Variants in POU6F2 observed in about 807,000 individuals in gnomAD.
The protein encoded by POU6F2 is POU domain, class 6, transcription factor 2.
POU6F2 carries 31 observed loss-of-function variants against 71.3 expected under a neutral mutation model. That is an observed-to-expected ratio of 0.43 (90% CI 0.33 to 0.59). The LOEUF (loss-of-function observed/expected upper bound fraction) is 0.59. Among genes scored for constraint, POU6F2 ranks in the 20% least tolerant of loss-of-function variants. The pLI is 0.04. For missense variants in POU6F2, 783 were observed against 856.8 expected (o/e 0.91, Z 1.07); for synonymous variants, 347 against 355.7 (o/e 0.98, Z 0.27).
intron 2 of POU6F2, among the ~76,000 whole-genome samples, chr7:39,202,223 A>G (rs1167814092): frequency 1.3e-5 from 2 of 152,218 alleles, no homozygotes; most frequent in Non-Finnish European, 2.9e-5. Flanking sequence ...TGTGAGACCA[A>G]TCCTAAACAT....
intron 4 of POU6F2, among the ~76,000 whole-genome samples, chr7:39,299,344 T>G (rs1275559900): frequency 6.6e-6 from 1 of 152,234 alleles, no homozygotes; most frequent in African/African-American, 2.4e-5. Flanking sequence ...TTGACCCTTT[T>G]GGCTACTGCT....
chr7:39,468,454 T>A lies in POU6F2; in HGVS notation c.*3768T>A, dbSNP rs1449949161. On this transcript the variant is annotated 3_prime_UTR_variant, in exon 10 of 10. Coordinates refer to ENST00000518318, the MANE Select transcript of POU6F2 (RefSeq NM_001370959.1). ...CAAAGCTGATTTTATCTGCACAGGT[T>A]GCTTAATATTTAAAAAAAAAAAAAA... The A allele has an allele frequency of 6.8e-6, 1 of 148,018 alleles. No homozygotes were observed. Among genetic ancestry groups the A allele is most frequent in the Non-Finnish European group, 1.5e-5 (1 of 65,854 alleles). The allele number at this position is 148,018 out of a possible 1,614,324, so 9.2% of individuals were successfully genotyped here. A position where few individuals can be genotyped will look rare whatever the true frequency, so the allele number is the denominator to read the frequency against.
chr7:39,418,939 GTATATATGTATATATGTATA>G (rs1787752651), intron 6 of POU6F2, among the ~76,000 whole-genome samples: 5 of 136,682 alleles, frequency 3.7e-5, no homozygotes, highest in Non-Finnish European at 7.7e-5. Flanking sequence ...GTATATATGT[GTATATATGTATATATGTATA>G]TATATGTGTA....
rs373309283 is a variant in POU6F2 at position 39,433,145 on chromosome 7, C to A, written c.1182C>A (p.Gly394=). The part of the protein sequence containing the change: ...PSSQAASGTQ[G]LQVQPITPQL... ...GCCAAGCAGCAAGCGGCACTCAGGG[C>A]TTGCAAGTGCAGCCAATCACCCCCC... The change falls in exon 7 of 10, where the codon GGC becomes GGA. Residue 394 remains glycine (G), a synonymous_variant. Coordinates refer to ENST00000518318, the MANE Select transcript of POU6F2 (RefSeq NM_001370959.1). 3.7e-6 allele frequency: 6 copies of A among 1,613,564 alleles called. No individual in the cohort carries two copies. Among genetic ancestry groups the A allele is most frequent in the South Asian group, 2.2e-5 (2 of 91,074 alleles).
chr7:39,030,993 C>T (rs924853562), intron 1 of POU6F2, among the ~76,000 whole-genome samples: 2 of 151,600 alleles, frequency 1.3e-5, no homozygotes, highest in African/African-American at 2.4e-5. Context: ...CTCCTCCTCC[C>T]GGGTTCAAGC....
At chr7:39,371,400 C>T (rs866666782) in intron 5 of POU6F2, among the ~76,000 whole-genome samples, 2 of 152,090 alleles carry the variant, frequency 1.3e-5, no homozygotes, top group African/African-American at 2.4e-5. Context: ...AGGCTGGTCT[C>T]GAACTCTTGA....
At chr7:39,445,578 A>G (rs1478641875) in intron 7 of POU6F2, among the ~76,000 whole-genome samples, 1 of 152,160 alleles carries the variant, frequency 6.6e-6, no homozygotes, top group Non-Finnish European at 1.5e-5. Context: ...CCTCCTCTGT[A>G]AAGCCTCTCT....
At chr7:39,115,987 T>C (rs970154939) in intron 2 of POU6F2, among the ~76,000 whole-genome samples, 1 of 152,176 alleles carries the variant, frequency 6.6e-6, no homozygotes, top group Admixed American at 6.5e-5. Flanking sequence ...AAGTAACTCA[T>C]TCACTGTCCT....
intron 5 of POU6F2, among the ~76,000 whole-genome samples, chr7:39,396,056 T>C (rs1229447230): frequency 1.3e-5 from 2 of 152,124 alleles, no homozygotes; most frequent in African/African-American, 4.8e-5. Flanking sequence ...GAAAATAGCA[T>C]GAAACTCAAT....
intron 8 of POU6F2, among the ~76,000 whole-genome samples, chr7:39,458,073 T>C (rs568242832): frequency 6.7e-6 from 1 of 149,474 alleles, no homozygotes; most frequent in East Asian, 2.0e-4. Flanking sequence ...CCTGTTGATG[T>C]ACTATGGCCC....
chr7:39,412,854 G>A (rs1787582082), intron 6 of POU6F2, among the ~76,000 whole-genome samples: 1 of 123,462 alleles, frequency 8.1e-6, no homozygotes, highest in Admixed American at 1.0e-4. Flanking sequence ...AGGCTGGAGT[G>A]CAGTGGTGTG....
chr7:39,264,598 T>G (rs2128755307), intron 4 of POU6F2, among the ~76,000 whole-genome samples: 1 of 152,290 alleles, frequency 6.6e-6, no homozygotes, highest in African/African-American at 2.4e-5. Context: ...CATCAGTTAT[T>G]TACCCGTCTG....
At chr7:39,063,226 C>CT (rs1790693155) in intron 1 of POU6F2, among the ~76,000 whole-genome samples, 1 of 151,772 alleles carries the variant, frequency 6.6e-6, no homozygotes, top group Non-Finnish European at 1.5e-5. Context: ...TATTTAAGAA[C>CT]TTAACGGATG....
intron 2 of POU6F2, among the ~76,000 whole-genome samples, chr7:39,197,924 G>A (rs1793819938): frequency 6.6e-6 from 1 of 152,232 alleles, no homozygotes; most frequent in Admixed American, 6.5e-5. Flanking sequence ...TACAAAATGA[G>A]TTAGAGACTT....
chr7:39,147,133 A>T (rs1237284479), intron 2 of POU6F2, among the ~76,000 whole-genome samples: 1 of 152,056 alleles, frequency 6.6e-6, no homozygotes, highest in Non-Finnish European at 1.5e-5. Flanking sequence ...CAAATTCTTT[A>T]TTTTCTTTTA....
At chr7:39,440,133 C>A (rs1344621700) in intron 7 of POU6F2, among the ~76,000 whole-genome samples, 2 of 152,100 alleles carry the variant, frequency 1.3e-5, no homozygotes. Context: ...TTCATTTTGC[C>A]CTTGGAGAAT....
chr7:39,204,242 A>G lies in POU6F2; in HGVS notation c.285A>G (p.Arg95=). The G allele has an allele frequency of 1.2e-6, 2 of 1,613,700 alleles. No individual in the cohort carries two copies. The highest frequency in any genetic ancestry group is 1.1e-5 in the South Asian group (1 of 91,030). Residue 95 remains arginine (R), a synonymous_variant, in exon 3 of 10, where the codon AGA becomes AGG. Coordinates refer to ENST00000518318, the MANE Select transcript of POU6F2 (RefSeq NM_001370959.1). ...TTCTCTTTTGAATTCCAGGGGCTAGAGGAAACCCAGCATTATCAGACCCAG... is the reference window on the plus strand; with the variant it reads ...TTCTCTTTTGAATTCCAGGGGCTAGGGGAAACCCAGCATTATCAGACCCAG... ...EDTPSKLFGA[R]GNPALSDPGT...
intron 2 of POU6F2, among the ~76,000 whole-genome samples, chr7:39,113,810 G>C (rs1791872516): frequency 6.6e-6 from 1 of 152,110 alleles, no homozygotes; most frequent in Non-Finnish European, 1.5e-5. Flanking sequence ...GGAGATTCAC[G>C]AGAGCACATT....
chr7:39,170,019 C>T (rs549708654), intron 2 of POU6F2, among the ~76,000 whole-genome samples: 29 of 152,010 alleles, frequency 1.9e-4, no homozygotes, highest in Non-Finnish European at 3.4e-4. Context: ...CCTGTTTCTA[C>T]TAGCCGGGCG....
Sources: allele counts gnomAD v4.1 joint callset (sites outside exome capture counted in the v4.1 genomes callset), GRCh38; gene constraint gnomAD v4.1.1; transcripts MANE v1.5; gene names NCBI Gene and HGNC (gene_info 2026-07-23, HGNC 2026-07-21).